The following KHDRBS2 variants were observed in gnomAD, a reference collection of about 807,000 sequenced individuals.
KHDRBS2 encodes the protein KH RNA binding domain containing, signal transduction associated 2, also known as KH domain-containing, RNA-binding, signal transduction-associated protein 2.
In KHDRBS2, 26 loss-of-function variants were observed where a neutral mutation model predicts 44.3. The observed-to-expected ratio is 0.59, with a 90% CI of 0.43 to 0.81. The LOEUF (loss-of-function observed/expected upper bound fraction) is 0.81, where lower values mean the gene tolerates loss of function less well. KHDRBS2 is among the 40% of genes least tolerant of loss of function. The pLI, the probability that KHDRBS2 is intolerant of heterozygous loss-of-function variation, is 0.00. For missense variants in KHDRBS2, 476 were observed against 433.1 expected, an observed-to-expected ratio of 1.10 and a Z score of -0.88; for synonymous variants, 194 against 151.1, an observed-to-expected ratio of 1.28 and a Z score of -2.08.
At chr6:61,901,429 G>GAAAAA in intron 4 of KHDRBS2, 58 bp from the exon 5 acceptor site, 1 of 987,854 alleles carries the variant, frequency 1.0e-6, no homozygotes, top group East Asian at 3.1e-5. Context: ...CTCAGAGTTG[G>GAAAAA]AAAAAAAAAA....
At chr6:61,667,269 G>T in the KHDRBS2 span, among the ~76,000 whole-genome samples, 4 of 149,908 alleles carry the variant, frequency 2.7e-5, no homozygotes, top group Admixed American at 2.7e-4. Context: ...TGTAATAGTA[G>T]ATCCTAAAGA....
chr6:62,084,229 G>A (rs1385494509), intron 2 of KHDRBS2, among the ~76,000 whole-genome samples: 2 of 152,170 alleles, frequency 1.3e-5, no homozygotes, highest in Non-Finnish European at 2.9e-5. Flanking sequence ...GAAGAAAAAT[G>A]AAGGAGATGG....
At chr6:62,056,826 C>G (rs1790391288) in intron 2 of KHDRBS2, among the ~76,000 whole-genome samples, 1 of 151,892 alleles carries the variant, frequency 6.6e-6, no homozygotes, top group Admixed American at 6.6e-5. Context: ...CGGCTGAGGA[C>G]AGATTATTGA....
intron 6 of KHDRBS2, among the ~76,000 whole-genome samples, chr6:61,803,221 C>T (rs1202432681): frequency 6.6e-6 from 1 of 152,070 alleles, no homozygotes; most frequent in Non-Finnish European, 1.5e-5. Context: ...TGGTTTCAGA[C>T]TCAAAGACAC....
intron 8 of KHDRBS2, among the ~76,000 whole-genome samples, chr6:61,685,440 T>G (rs748041377): frequency 1.3e-5 from 2 of 151,850 alleles, no homozygotes; most frequent in African/African-American, 2.4e-5. Context: ...TCAAACCAAT[T>G]ATGCAAAATA....
chr6:61,553,503 T>C, the KHDRBS2 span, among the ~76,000 whole-genome samples: 66 of 152,272 alleles, frequency 4.3e-4, no homozygotes, highest in African/African-American at 1.4e-3. Flanking sequence ...TCATTTTTCC[T>C]TCAGTTCTGC....
chr6:61,816,152 C>G (rs1168494324), intron 6 of KHDRBS2, among the ~76,000 whole-genome samples: 2 of 152,072 alleles, frequency 1.3e-5, no homozygotes, highest in Non-Finnish European at 2.9e-5. Flanking sequence ...GTATAAAATA[C>G]TTCCACAAAA....
chr6:62,140,631 C>T (rs1437371355), intron 2 of KHDRBS2, among the ~76,000 whole-genome samples: 4 of 152,068 alleles, frequency 2.6e-5, no homozygotes, highest in Admixed American at 6.5e-5. Flanking sequence ...CCACACTTTC[C>T]GTTTTGGGAC....
At chr6:62,040,130 G>A (rs1786135928) in intron 3 of KHDRBS2, among the ~76,000 whole-genome samples, 1 of 151,920 alleles carries the variant, frequency 6.6e-6, no homozygotes, top group Non-Finnish European at 1.5e-5. Context: ...ATAAAATGTT[G>A]ACATGTGCTT....
chr6:61,542,717 G>A, the KHDRBS2 span, among the ~76,000 whole-genome samples: 3 of 151,810 alleles, frequency 2.0e-5, no homozygotes, highest in African/African-American at 2.4e-5. Context: ...TATTTACAAG[G>A]CATCTTTATT....
chr6:61,967,854 A>C (rs1770402604), intron 4 of KHDRBS2, among the ~76,000 whole-genome samples: 1 of 80,222 alleles, frequency 1.2e-5, no homozygotes, highest in African/African-American at 5.8e-5. Flanking sequence ...ACATACATAC[A>C]TACATACACA....
chr6:62,001,912 AAAG>A (rs1778307459), intron 3 of KHDRBS2, among the ~76,000 whole-genome samples: 1 of 152,118 alleles, frequency 6.6e-6, no homozygotes. Context: ...GCTTTTACTG[AAAG>A]AAGGTTATTT....
rs538322654 is a variant in KHDRBS2, at chr6:61,813,212, A to G, written c.811-80448T>C. ...AAAATGACATACAGGAGGAAAAGAAAGATGATCCAAGATGAGAAAGTTAGA... is the reference window on the plus strand; with the variant it reads ...AAAATGACATACAGGAGGAAAAGAAGGATGATCCAAGATGAGAAAGTTAGA... On this transcript the variant is annotated intron_variant, in intron 6 of 8. Transcript: ENST00000281156. 3.3e-5 allele frequency among the ~76,000 whole-genome samples: 5 copies of G among 152,262 alleles called. No homozygotes were observed. The South Asian group carries it at 1.0e-3, about 32-fold the overall frequency.
intron 3 of KHDRBS2, among the ~76,000 whole-genome samples, chr6:62,008,953 A>C (rs569934762): frequency 6.6e-6 from 1 of 152,212 alleles, no homozygotes; most frequent in African/African-American, 2.4e-5. Context: ...GGGCTAATAG[A>C]GTAAATTGGT....
chr6:62,013,601 A>G lies in KHDRBS2; in HGVS notation c.336+34277T>C, dbSNP rs1780692793. 2.0e-5 allele frequency among the ~76,000 whole-genome samples: 3 copies of G among 152,230 alleles called. No homozygotes were observed. In the South Asian group the frequency reaches 6.2e-4, roughly 32 times the overall value. On this transcript the variant is annotated intron_variant, in intron 3 of 8. Coordinates refer to ENST00000281156, the MANE Select transcript of KHDRBS2 (RefSeq NM_152688.4). Reference sequence around the variant, plus strand: ...TTTAAATTACTATTATTACATTATTATTATAAAAATGAGGCAAGTTGAGGA... The same window carrying G: ...TTTAAATTACTATTATTACATTATTGTTATAAAAATGAGGCAAGTTGAGGA...
At chr6:62,096,494 C>A (rs979201814) in intron 2 of KHDRBS2, among the ~76,000 whole-genome samples, 1 of 151,760 alleles carries the variant, frequency 6.6e-6, no homozygotes, top group African/African-American at 2.4e-5. Flanking sequence ...TCTAGCTTTT[C>A]CAATATGTGG....
At chr6:61,612,640 A>G in the KHDRBS2 span, among the ~76,000 whole-genome samples, 5 of 152,192 alleles carry the variant, frequency 3.3e-5, no homozygotes, top group African/African-American at 1.2e-4. Context: ...ATTTTGTCCC[A>G]GACACTGTGC....
the KHDRBS2 span, among the ~76,000 whole-genome samples, chr6:61,593,480 T>G: frequency 1.3e-5 from 2 of 151,264 alleles, no homozygotes; most frequent in African/African-American, 4.8e-5. Context: ...ATAGGTTTTT[T>G]TTTTTTTTTT....
At chr6:62,207,249 T>C (rs1411769246) in intron 1 of KHDRBS2, among the ~76,000 whole-genome samples, 3 of 152,070 alleles carry the variant, frequency 2.0e-5, no homozygotes, top group East Asian at 3.8e-4. Flanking sequence ...ATATAAAAAT[T>C]AGAAAATCAC....
Sources: gnomAD v4.1 joint callset for allele counts (sites outside exome capture counted in the v4.1 genomes callset) on GRCh38, gnomAD v4.1.1 for gene constraint, MANE v1.5 for transcripts, NCBI Gene and HGNC (gene_info 2026-07-23, HGNC 2026-07-21) for gene names.